The following SHOC2 variants were observed in gnomAD, a reference collection of about 807,000 sequenced individuals.
SHOC2 encodes leucine-rich repeat protein SHOC-2.
Under a neutral mutation model 50.2 loss-of-function variants are expected in SHOC2, and 4 were observed. The observed-to-expected ratio is 0.08, with a 90% CI of 0.04 to 0.18. The LOEUF is 0.18. Among genes scored for constraint, SHOC2 ranks in the 10% least tolerant of loss-of-function variants. SHOC2 has a pLI of 1.00. For synonymous variants in SHOC2, 218 were observed against 244.5 expected, an observed-to-expected ratio of 0.89 and a Z score of 1.01; for missense variants, 388 against 669.6, an observed-to-expected ratio of 0.58 and a Z score of 4.64.
chr10:111,004,433 T>C (rs183304259), intron 4 of SHOC2, among the ~76,000 whole-genome samples, 173 bp from the exon 5 acceptor site: 150 of 152,328 alleles, frequency 9.8e-4, no homozygotes, highest in African/African-American at 3.4e-3. Context: ...ACCAAACTGC[T>C]AGAACTGTGT....
chr10:110,920,512 CTCTT>C (rs891722539), intron 1 of SHOC2, among the ~76,000 whole-genome samples: 13 of 152,192 alleles, frequency 8.5e-5, no homozygotes, highest in African/African-American at 2.7e-4. Flanking sequence ...ACTTGCCTTT[CTCTT>C]TATTTCTTTT....
At chr10:110,948,837 C>A (rs1847296975) in intron 1 of SHOC2, among the ~76,000 whole-genome samples, 1 of 152,168 alleles carries the variant, frequency 6.6e-6, no homozygotes, top group Non-Finnish European at 1.5e-5. Flanking sequence ...AAAAGCTTGT[C>A]CAACCTGTGG....
intron 3 of SHOC2, among the ~76,000 whole-genome samples, chr10:110,996,348 C>T (rs1848267363): frequency 6.6e-6 from 1 of 151,782 alleles, no homozygotes; most frequent in Non-Finnish European, 1.5e-5. Flanking sequence ...GGCAACATGG[C>T]GAAACTCTAT....
At chr10:111,003,533 A>G (rs1029926472) in intron 4 of SHOC2, among the ~76,000 whole-genome samples, 5 of 152,180 alleles carry the variant, frequency 3.3e-5, no homozygotes, top group Non-Finnish European at 7.3e-5. Flanking sequence ...TTTAGTCTTC[A>G]CTATGGCCCA....
chr10:110,986,836 C>G (rs1848088332), intron 3 of SHOC2, among the ~76,000 whole-genome samples: 1 of 152,196 alleles, frequency 6.6e-6, no homozygotes, highest in African/African-American at 2.4e-5. Context: ...ATGATGTTAT[C>G]TTTCTCCAGA....
At chr10:110,946,306 A>G (rs143006167) in intron 1 of SHOC2, among the ~76,000 whole-genome samples, 1 of 150,710 alleles carries the variant, frequency 6.6e-6, no homozygotes, top group African/African-American at 2.4e-5. Flanking sequence ...CTAAAAAATT[A>G]TGTCTAGATA....
chr10:110,937,329 A>C (rs576724238), intron 1 of SHOC2: 3 of 654,904 alleles, frequency 4.6e-6, no homozygotes, highest in African/African-American at 3.6e-5. Flanking sequence ...GAAAGCTTCA[A>C]ATGTTTCAAG....
intron 4 of SHOC2, among the ~76,000 whole-genome samples, chr10:111,003,773 C>G (rs565931144): frequency 1.5e-3 from 228 of 152,194 alleles, no homozygotes; most frequent in African/African-American, 5.2e-3. Flanking sequence ...CCAGGGGATG[C>G]TGATATTGCT....
At chr10:110,934,803 G>GCA (rs1237780678) in intron 1 of SHOC2, among the ~76,000 whole-genome samples, 1 of 152,076 alleles carries the variant, frequency 6.6e-6, no homozygotes, top group Non-Finnish European at 1.5e-5. Context: ...CAGAAAAGTG[G>GCA]CACTGTGTTT....
rs1848498018 is a variant in SHOC2, at chr10:111,007,795, A to G, written c.1284+142A>G. The G allele has an allele frequency of 6.1e-6, 5 of 823,946 alleles. No individual in the cohort carries two copies. In the South Asian group the frequency reaches 6.1e-5, roughly 10 times the overall value. 51.0% of individuals were successfully genotyped at this position (823,946 alleles called of 1,614,324 possible). A position where few individuals can be genotyped will look rare whatever the true frequency, so the allele number is the denominator to read the frequency against. ...GAACTCACTTAAACATACAACCCTA[A>G]TAGGATAATGAAGTGTTGACTTAGG... On this transcript the variant is annotated intron_variant, in intron 6 of 8. Coordinates refer to ENST00000369452, the MANE Select transcript of SHOC2 (RefSeq NM_007373.4).
At chr10:110,985,979 AAG>A (rs1373437756) in intron 3 of SHOC2, 4 of 516,424 alleles carry the variant, frequency 7.7e-6, no homozygotes, top group Admixed American at 3.1e-5. Context: ...GGGATTATAA[AAG>A]AGAGAGAATA....
intron 2 of SHOC2, among the ~76,000 whole-genome samples, chr10:110,981,224 G>T (rs1005596438): frequency 6.6e-6 from 1 of 152,164 alleles, no homozygotes; most frequent in African/African-American, 2.4e-5. Context: ...TCACATTATA[G>T]TCTTTTTACG....
intron 1 of SHOC2, among the ~76,000 whole-genome samples, chr10:110,956,053 A>G (rs560918284): frequency 9.5e-4 from 145 of 152,336 alleles, no homozygotes; most frequent in African/African-American, 3.3e-3. Flanking sequence ...ATGGCTATGT[A>G]TGGGTAGCAC....
intron 1 of SHOC2, among the ~76,000 whole-genome samples, chr10:110,932,859 A>G (rs928520110): frequency 2.0e-5 from 3 of 152,238 alleles, no homozygotes; most frequent in Non-Finnish European, 4.4e-5. Flanking sequence ...CTTAGTATAA[A>G]TGTTGACCAA....
chr10:110,951,238 A>G (rs1411080127), intron 1 of SHOC2, among the ~76,000 whole-genome samples: 2 of 152,238 alleles, frequency 1.3e-5, no homozygotes, highest in Non-Finnish European at 2.9e-5. Context: ...ATGGTCTTCA[A>G]AAGACAACAT....
At chr10:110,957,404 C>G (rs565741598) in intron 1 of SHOC2, among the ~76,000 whole-genome samples, 1 of 152,020 alleles carries the variant, frequency 6.6e-6, no homozygotes, top group African/African-American at 2.4e-5. Context: ...TTTTAATGCT[C>G]GTCTGTTATA....
chr10:110,924,121 T>C (rs923885952), intron 1 of SHOC2, among the ~76,000 whole-genome samples: 4 of 152,222 alleles, frequency 2.6e-5, no homozygotes, highest in Non-Finnish European at 5.9e-5. Flanking sequence ...TTTTGTTCTA[T>C]AAATATTTCT....
At chr10:110,932,236 A>G (rs1846909751) in intron 1 of SHOC2, among the ~76,000 whole-genome samples, 1 of 152,204 alleles carries the variant, frequency 6.6e-6, no homozygotes, top group Admixed American at 6.5e-5. Flanking sequence ...AGTTGTGGCA[A>G]AAGTATGCAG....
intron 5 of SHOC2, 152 bp downstream of exon 5, chr10:111,004,946 A>T: frequency 1.5e-6 from 1 of 677,008 alleles, no homozygotes. Context: ...ACTTTGTATC[A>T]GATAACAAAT....
Sources: gnomAD v4.1 joint callset for allele counts (sites outside exome capture counted in the v4.1 genomes callset) on GRCh38, gnomAD v4.1.1 for gene constraint, MANE v1.5 for transcripts, NCBI Gene and HGNC (gene_info 2026-07-23, HGNC 2026-07-21) for gene names.